NPAS3: variants seen among roughly 807,000 people sequenced by gnomAD.
NPAS3 encodes neuronal PAS domain protein 3.
A neutral mutation model predicts 73.1 loss-of-function variants in NPAS3; 14 were observed. The ratio of observed to expected loss-of-function variants is 0.19; its 90% CI spans 0.13 to 0.30. The LOEUF is 0.30. Among genes scored for constraint, NPAS3 ranks in the 10% least tolerant of loss-of-function variants. NPAS3 has a pLI of 1.00. For missense variants in NPAS3, 1,096 were observed against 1,250.0 expected (o/e 0.88, Z 1.86); for synonymous variants, 620 against 541.5 (o/e 1.14, Z -2.01).
At chr14:33,019,475 C>T (rs2138246381) in intron 1 of NPAS3, among the ~76,000 whole-genome samples, 1 of 152,026 alleles carries the variant, frequency 6.6e-6, no homozygotes, top group South Asian at 2.1e-4. Flanking sequence ...TGACAGTAGC[C>T]TATGGCTTTA....
chr14:33,166,885 T>C (rs2045180135), intron 2 of NPAS3, among the ~76,000 whole-genome samples: 1 of 152,166 alleles, frequency 6.6e-6, no homozygotes, highest in Non-Finnish European at 1.5e-5. Context: ...AGCGAATGCT[T>C]TTCATTTCAC....
chr14:32,993,491 T>G (rs1045814174), intron 1 of NPAS3, among the ~76,000 whole-genome samples: 1 of 152,088 alleles, frequency 6.6e-6, no homozygotes, highest in East Asian at 1.9e-4. Flanking sequence ...GGTGAGAAAT[T>G]GAGGAGAAAA....
intron 3 of NPAS3, among the ~76,000 whole-genome samples, chr14:33,345,939 G>A (rs8017651): frequency 0.44 from 67,008 of 151,890 alleles, 15,401 homozygotes; most frequent in East Asian, 0.61. Flanking sequence ...ATACATAGAA[G>A]TGTTGATTCA....
chr14:33,727,179 C>G (rs1233937760), intron 6 of NPAS3, among the ~76,000 whole-genome samples: 20 of 143,766 alleles, frequency 1.4e-4, no homozygotes. Flanking sequence ...GGCGGTTCAG[C>G]TGGATACTGG....
intron 5 of NPAS3, among the ~76,000 whole-genome samples, chr14:33,633,911 C>T (rs1217714453): frequency 3.9e-5 from 6 of 151,946 alleles, no homozygotes; most frequent in East Asian, 1.9e-4. Context: ...CCCAGGACAT[C>T]GAGGCTGCAT....
At chr14:32,994,642 T>G (rs959407331) in intron 1 of NPAS3, among the ~76,000 whole-genome samples, 27 of 149,004 alleles carry the variant, frequency 1.8e-4, no homozygotes, top group Non-Finnish European at 3.7e-4. Context: ...TTTTGTTTTT[T>G]TTTTTTTGAG....
intron 2 of NPAS3, among the ~76,000 whole-genome samples, chr14:33,182,332 C>T (rs2045827045): frequency 6.6e-6 from 1 of 152,090 alleles, no homozygotes; most frequent in African/African-American, 2.4e-5. Context: ...ATTTTGAACG[C>T]TTTTCTCCAT....
chr14:33,285,265 C>T (rs953465112), intron 3 of NPAS3, among the ~76,000 whole-genome samples: 1 of 152,122 alleles, frequency 6.6e-6, no homozygotes, highest in African/African-American at 2.4e-5. Flanking sequence ...CATGAGTTCC[C>T]ACCTCTTTAC....
At chr14:33,704,644 C>T (rs1355904682) in intron 6 of NPAS3, among the ~76,000 whole-genome samples, 2 of 152,168 alleles carry the variant, frequency 1.3e-5, no homozygotes, top group African/African-American at 2.4e-5. Context: ...GGGGAACACA[C>T]TGGCTCATTT....
At chr14:33,541,479 C>T (rs2054516665) in intron 4 of NPAS3, among the ~76,000 whole-genome samples, 1 of 152,248 alleles carries the variant, frequency 6.6e-6, no homozygotes, top group African/African-American at 2.4e-5. Context: ...CTTAAATAGT[C>T]AGGTAATTAA....
chr14:33,061,341 T>C (rs891763162), intron 2 of NPAS3, among the ~76,000 whole-genome samples: 2 of 152,156 alleles, frequency 1.3e-5, no homozygotes, highest in African/African-American at 4.8e-5. Context: ...GATCAGTAAA[T>C]AACAAAGGAT....
At chr14:33,485,915 G>A (rs1170698240) in intron 4 of NPAS3, among the ~76,000 whole-genome samples, 1 of 151,960 alleles carries the variant, frequency 6.6e-6, no homozygotes, top group Non-Finnish European at 1.5e-5. Flanking sequence ...AGTGAACAAG[G>A]ATGCCACCTC....
chr14:33,579,198 G>A lies in NPAS3; in HGVS notation c.558+18988G>A, dbSNP rs138510601. ...CCCTGATGGAGAGGCGAAGGTGTCT[G>A]CTCAGGTTTTATGAAGAAAATGAAT... On this transcript the variant is annotated intron_variant, in intron 5 of 11. Transcript: ENST00000356141. 6.3e-3 allele frequency among the ~76,000 whole-genome samples: 953 copies of A among 152,316 alleles called. 14 individuals are homozygous for A. The highest frequency in any genetic ancestry group is 0.022 in the African/African-American group (912 of 41,556).
At chr14:33,558,592 T>G (rs2055477816) in intron 4 of NPAS3, among the ~76,000 whole-genome samples, 1 of 151,882 alleles carries the variant, frequency 6.6e-6, no homozygotes, top group Non-Finnish European at 1.5e-5. Context: ...CGTACATACA[T>G]ATAATATATG....
chr14:33,747,781 A>G (rs1313044239), intron 7 of NPAS3, among the ~76,000 whole-genome samples: 2 of 152,188 alleles, frequency 1.3e-5, no homozygotes, highest in Non-Finnish European at 2.9e-5. Context: ...TATCCCTTCT[A>G]TCAGGGCTTT....
intron 3 of NPAS3, among the ~76,000 whole-genome samples, chr14:33,264,334 A>G (rs948681827): frequency 2.6e-5 from 4 of 152,104 alleles, no homozygotes; most frequent in African/African-American, 9.7e-5. Context: ...TGATGAGTTA[A>G]TGGGTGCAGC....
intron 2 of NPAS3, among the ~76,000 whole-genome samples, chr14:33,147,332 C>T (rs574981961): frequency 3.2e-4 from 49 of 152,274 alleles, no homozygotes; most frequent in Non-Finnish European, 6.5e-4. Context: ...TTTAAGACTC[C>T]ATTTCCCCAT....
intron 1 of NPAS3, among the ~76,000 whole-genome samples, chr14:33,035,412 A>G (rs1030825795): frequency 4.6e-5 from 7 of 152,076 alleles, no homozygotes; most frequent in African/African-American, 7.2e-5. Flanking sequence ...AGATATTTTC[A>G]TGCTGTATTA....
At chr14:33,140,674 T>A (rs2044012913) in intron 2 of NPAS3, among the ~76,000 whole-genome samples, 1 of 152,154 alleles carries the variant, frequency 6.6e-6, no homozygotes. Flanking sequence ...CTCAAGTGCA[T>A]TCAATATTCA....
Sources: gnomAD v4.1 joint callset for allele counts (sites outside exome capture counted in the v4.1 genomes callset) on GRCh38, gnomAD v4.1.1 for gene constraint, MANE v1.5 for transcripts, NCBI Gene and HGNC (gene_info 2026-07-23, HGNC 2026-07-21) for gene names.